Variants in CYP4V2 observed in about 807,000 individuals in gnomAD.
CYP4V2 encodes cytochrome P450 4V2.
A neutral mutation model predicts 60.8 loss-of-function variants in CYP4V2; 55 were observed. The observed-to-expected ratio is 0.90, with a 90% CI of 0.73 to 1.13. The LOEUF is 1.13. CYP4V2 is among the 50% of genes most tolerant of loss of function. CYP4V2 has a pLI of 0.00. For synonymous variants in CYP4V2, 239 were observed against 236.8 expected, an observed-to-expected ratio of 1.01 and a Z score of -0.08; for missense variants, 675 against 662.9, an observed-to-expected ratio of 1.02 and a Z score of -0.20.
At chr4:186,203,992 A>G (rs1454338449) in intron 7 of CYP4V2, 1 of 152,148 alleles carries the variant, frequency 6.6e-6, no homozygotes, top group Non-Finnish European at 1.5e-5. Flanking sequence ...TTTGTCCTCA[A>G]AGTTTCAGAG....
At chr4:186,194,897 C>T (rs965381840) in intron 2 of CYP4V2, among the ~76,000 whole-genome samples, 22 of 152,012 alleles carry the variant, frequency 1.4e-4, no homozygotes, top group African/African-American at 3.6e-4. Context: ...TAAATTATTC[C>T]GCAAGGCAAG....
At chr4:186,194,372 T>C in intron 1 of CYP4V2, 128 bp from the exon 2 acceptor site, 9 of 799,530 alleles carry the variant, frequency 1.1e-5, no homozygotes, top group Non-Finnish European at 1.7e-5. Context: ...GCTCTCTACC[T>C]GGCTTCCTCT....
intron 6 of CYP4V2, among the ~76,000 whole-genome samples, chr4:186,199,529 A>G (rs1161487650): frequency 6.6e-6 from 1 of 152,214 alleles, no homozygotes; most frequent in African/African-American, 2.4e-5. Flanking sequence ...TAATTACAAC[A>G]TGTGATATGA....
In CYP4V2 at chr4:186,209,204, C is replaced by T. The variant is rs1736632505; in HGVS notation, c.1337C>T (p.Pro446Leu). The T allele has an allele frequency of 1.2e-6, 2 of 1,613,952 alleles. No homozygotes were observed. The highest frequency in any genetic ancestry group is 1.7e-6 in the Non-Finnish European group (2 of 1,180,038). Residue 446 changes from proline to leucine, a missense_variant, in exon 10 of 11, where the codon CCC becomes CTC. Coordinates refer to ENST00000378802, the MANE Select transcript of CYP4V2 (RefSeq NM_207352.4). ...GAGTTCCAGCCTGAGCGGTTCTTCCCCGAGAATGCACAAGGGCGCCATCCA... is the reference window on the plus strand; with the variant it reads ...GAGTTCCAGCCTGAGCGGTTCTTCCTCGAGAATGCACAAGGGCGCCATCCA... ...PEEFQPERFF[P>L]ENAQGRHPYA... is the part of the protein sequence containing the mutation.
chr4:186,205,223 A>G lies in CYP4V2; in HGVS notation c.1011A>G (p.Ala337=), dbSNP rs988098401. ...AGGGGCACGATACAACTGCAGCTGC[A>G]ATAAACTGGTCCTTATACCTGTTGG... ...MFEGHDTTAA[A]INWSLYLLGS... The change falls in exon 8 of 11, where the codon GCA becomes GCG. Residue 337 remains alanine (A), a synonymous_variant. Transcript: ENST00000378802. The G allele has an allele frequency of 1.9e-6, 3 of 1,614,286 alleles. No homozygotes were observed. The highest frequency in any genetic ancestry group is 1.1e-5 in the South Asian group (1 of 91,088).
intron 7 of CYP4V2, 52 bp downstream of exon 7, chr4:186,201,394 TA>T: frequency 1.3e-6 from 2 of 1,578,064 alleles, no homozygotes; most frequent in Non-Finnish European, 1.7e-6. Context: ...CAGTTATTGT[TA>T]GAATCTTTAG....
At chr4:186,204,793 C>A in intron 7 of CYP4V2, 1 of 319,384 alleles carries the variant, frequency 3.1e-6, no homozygotes, top group Non-Finnish European at 6.1e-6. Flanking sequence ...ACACCTCTAC[C>A]CCCTGGTGCC....
At chr4:186,202,707 CACACAT>C (rs1736348044) in intron 7 of CYP4V2, 1 of 152,170 alleles carries the variant, frequency 6.6e-6, no homozygotes, top group Non-Finnish European at 1.5e-5. Flanking sequence ...TTCACATATA[CACACAT>C]ACACAAACAC....
chr4:186,209,342 T>A, intron 10 of CYP4V2, 70 bp downstream of exon 10: 1 of 1,588,218 alleles, frequency 6.3e-7, no homozygotes. Flanking sequence ...AGTGATTTCT[T>A]TGAGATGTGA....
At chr4:186,204,520 C>T (rs751080191) in intron 7 of CYP4V2, 10 of 184,646 alleles carry the variant, frequency 5.4e-5, no homozygotes, top group Admixed American at 1.1e-4. Flanking sequence ...GTGGGCTCAG[C>T]TGGCTTTGTC....
chr4:186,193,991 C>G (rs1736068058), intron 1 of CYP4V2, among the ~76,000 whole-genome samples: 1 of 152,228 alleles, frequency 6.6e-6, no homozygotes, highest in Non-Finnish European at 1.5e-5. Flanking sequence ...ACCTCCCTGT[C>G]CCCTCTGTCA....
chr4:186,197,173 A>G (rs1292413177), intron 4 of CYP4V2, 43 bp downstream of exon 4: 2 of 1,604,706 alleles, frequency 1.2e-6, no homozygotes, highest in Non-Finnish European at 1.7e-6. Context: ...GCATAAAGAG[A>G]AAATGGCCCA....
In CYP4V2 at chr4:186,201,356, T is replaced by A. The variant is rs748859778; in HGVS notation, c.987+14T>A. 8 of 1,613,760 alleles carry A rather than the reference T, an allele frequency of 5.0e-6. No homozygotes were observed. The South Asian group carries it at 7.7e-5, about 16-fold the overall frequency. On this transcript the variant is annotated intron_variant, in intron 7 of 10. Transcript: ENST00000378802. The stretch of plus-strand genomic sequence containing the variant: ...TTCATGTTTGAGGTATTGTATATTG[T>A]TAGGTTCAGATATCATTAAACAAAT...
rs199476183 is a variant in CYP4V2, at chr4:186,208,863, A to G, written c.1091-2A>G. On this transcript the variant is annotated splice_acceptor_variant, in intron 8 of 10. Transcript: ENST00000378802. LOFTEE classifies it high-confidence loss of function. Reference sequence around the variant, plus strand: ...GTCATCTTATCTACTTGCTTTCATCAGGGAAGTCTGACCGTCCCGCTACAG... The same window carrying G: ...GTCATCTTATCTACTTGCTTTCATCGGGGAAGTCTGACCGTCCCGCTACAG... 17 of 1,614,200 alleles carry G rather than the reference A, an allele frequency of 1.1e-5. No homozygotes were observed. The East Asian group carries it at 2.7e-4, about 25-fold the overall frequency.
chr4:186,199,892 T>G (rs1736257849), intron 6 of CYP4V2, among the ~76,000 whole-genome samples: 1 of 152,148 alleles, frequency 6.6e-6, no homozygotes, highest in Non-Finnish European at 1.5e-5. Context: ...TGCTGTAAAT[T>G]TTGGTTAAAA....
chr4:186,203,898 T>G (rs1736399567), intron 7 of CYP4V2: 1 of 152,188 alleles, frequency 6.6e-6, no homozygotes, highest in Admixed American at 6.5e-5. Context: ...GCACAGAGAA[T>G]GAAATATTAC....
intron 5 of CYP4V2, 47 bp downstream of exon 5, chr4:186,197,649 G>A (rs930980339): frequency 1.9e-6 from 3 of 1,589,548 alleles, no homozygotes; most frequent in Non-Finnish European, 1.7e-6. Context: ...ATTGATTTAG[G>A]CTTTAAAAAT....
intron 10 of CYP4V2, 134 bp downstream of exon 10, chr4:186,209,406 T>C: frequency 8.9e-7 from 1 of 1,122,326 alleles, no homozygotes; most frequent in South Asian, 1.3e-5. Context: ...GGTTTCTTTT[T>C]TCCCTCACTG....
chr4:186,210,783 C>T lies in CYP4V2; in HGVS notation c.*142C>T, dbSNP rs749727066. On this transcript the variant is annotated 3_prime_UTR_variant, in exon 11 of 11. Coordinates refer to ENST00000378802, the MANE Select transcript of CYP4V2 (RefSeq NM_207352.4). ...TCCTTGATCCCACTGATCTTGACAT[C>T]AAGTCTAACAAAGAAAAAGTTTTGA... 2.2e-6 allele frequency: 2 copies of T among 928,290 alleles called. No individual in the cohort carries two copies. The highest frequency in any genetic ancestry group is 1.6e-6 in the Non-Finnish European group (1 of 620,200). The allele number at this position is 928,290 out of a possible 1,614,324, so 57.5% of individuals were successfully genotyped here.
Sources: allele counts gnomAD v4.1 joint callset (sites outside exome capture counted in the v4.1 genomes callset), GRCh38; gene constraint gnomAD v4.1.1; transcripts MANE v1.5; gene names NCBI Gene and HGNC (gene_info 2026-07-23, HGNC 2026-07-21).